CRYGC: variants seen among roughly 807,000 people sequenced by gnomAD.
The protein encoded by CRYGC is gamma-crystallin C.
A neutral mutation model predicts 21.9 loss-of-function variants in CRYGC; 14 were observed. The observed-to-expected ratio is 0.64, with a 90% confidence interval of 0.42 to 1.00. CRYGC has a LOEUF of 1.00. Ranked by LOEUF, CRYGC falls within the 50% of genes least tolerant of loss-of-function variation. The probability of loss-of-function intolerance (pLI) is 0.00; values close to 1 mark genes in which losing one functional copy is unlikely to be tolerated. For missense variants in CRYGC, 235 were observed against 234.2 expected (o/e 1.00, Z -0.02); for synonymous variants, 96 against 89.8 (o/e 1.07, Z -0.39).
In CRYGC at chr2:208,129,550, C is replaced by T. The variant is rs61751949; in HGVS notation, c.143G>A (p.Arg48His). 0.017 allele frequency: 27,332 copies of T among 1,614,176 alleles called. 365 individuals carry two copies. The highest frequency in any genetic ancestry group is 0.051 in the South Asian group (4,639 of 91,080). ...VESGCWMLYERPNYQGQQYLL... is the reference protein window; with the variant it reads ...VESGCWMLYEHPNYQGQQYLL... ...GTATTGTTGACCTTGGTAGTTGGGA[C>T]GCTCATAGAGCATCCAGCAGCCGCT... The change falls in exon 2 of 3, where the codon CGT (arginine) becomes CAT (histidine). Residue 48 changes from arginine to histidine, a missense_variant. Arg to His is a conservative substitution (Grantham distance 29). Transcript: ENST00000282141.
In CRYGC at chr2:208,128,452, C is replaced by T. The variant is rs745627487; in HGVS notation, c.276G>A (p.Leu92=). ...GGCCTTTGTGGTCTTCCCTCTCGTA[C>T]AGCCGCAGCCTGTGGGAGACTGTCT... ...IPQTVSHRLR[L]YEREDHKGLM... The change falls in exon 3 of 3, where the codon CTG becomes CTA. Residue 92 remains leucine, a synonymous_variant. Coordinates refer to ENST00000282141, the MANE Select transcript of CRYGC (RefSeq NM_020989.4). 3 of 1,614,190 alleles carry T rather than the reference C, an allele frequency of 1.9e-6. No individual in the cohort carries two copies. Among genetic ancestry groups the T allele is most frequent in the South Asian group, 1.1e-5 (1 of 91,084 alleles).
rs200505176 is a variant in CRYGC at position 208,128,326 on chromosome 2, G to A, written c.402C>T (p.Tyr134=). Reference sequence around the variant, plus strand: ...GCCGCCCCCGGTAGTTGGGCAGCTCGTAGAGGACCCAGCAGCCCTCCAGCA... The same window carrying A: ...GCCGCCCCCGGTAGTTGGGCAGCTCATAGAGGACCCAGCAGCCCTCCAGCA... ...LHVLEGCWVL[Y]ELPNYRGRQY... Residue 134 remains tyrosine, a synonymous_variant, in exon 3 of 3, where the codon TAC becomes TAT. Transcript: ENST00000282141. 504 of 1,614,166 alleles carry A rather than the reference G, an allele frequency of 3.1e-4. No homozygotes were observed. Among genetic ancestry groups the A allele is most frequent in the Non-Finnish European group, 3.5e-4 (418 of 1,180,026 alleles).
chr2:208,129,300 C>T, intron 2 of CRYGC, 141 bp downstream of exon 2: 1 of 1,226,324 alleles, frequency 8.2e-7, no homozygotes, highest in South Asian at 1.5e-5. Flanking sequence ...TGTTTTTGTG[C>T]ATGTTATCTA....
intron 2 of CRYGC, 149 bp downstream of exon 2, chr2:208,129,292 T>C: frequency 1.7e-6 from 2 of 1,206,854 alleles, no homozygotes; most frequent in South Asian, 1.5e-5. Context: ...TTCTCTGCTG[T>C]TTTTGTGCAT....
rs1695063899 is a variant in CRYGC at position 208,129,595 on chromosome 2, C to T, written c.98G>A (p.Cys33Tyr). ...CPNLQPYFSR[C>Y]NSIRVESGCW... ...GCCGCTCTCCACCCGGATGGAGTTG[C>T]AGCGGCTGAAATACGGCTGCAGGTT... is the stretch of plus-strand genomic sequence containing the variant. The change falls in exon 2 of 3, where the codon TGC becomes TAC. Residue 33 changes from cysteine to tyrosine, a missense_variant. Physicochemically the swap from Cys to Tyr is radical, Grantham distance 194. Coordinates refer to ENST00000282141, the MANE Select transcript of CRYGC (RefSeq NM_020989.4). 5 of 1,614,138 alleles carry T rather than the reference C, an allele frequency of 3.1e-6. No individual in the cohort carries two copies. Among genetic ancestry groups the T allele is most frequent in the Non-Finnish European group, 3.4e-6 (4 of 1,180,054 alleles).
rs140120148 is a variant in CRYGC at position 208,128,457 on chromosome 2, G to A, written c.271C>T (p.Arg91Trp). The A allele has an allele frequency of 1.8e-4, 293 of 1,614,150 alleles. No homozygotes were observed. The African/African-American group carries it at 3.5e-3, about 19-fold the overall frequency. ...LIPQTVSHRL[R>W]LYEREDHKGL... is the part of the protein sequence containing the mutation. ...TTGTGGTCTTCCCTCTCGTACAGCC[G>A]CAGCCTGTGGGAGACTGTCTACTCG... The change falls in exon 3 of 3, where the codon CGG (arginine) becomes TGG (tryptophan). Residue 91 changes from arginine to tryptophan, a missense_variant. Arg to Trp is a moderately radical substitution (Grantham distance 101). Transcript: ENST00000282141.
chr2:208,129,743 G>A lies in CRYGC; in HGVS notation c.9+41C>T, dbSNP rs111957507. ...TGCTCCTAACAGGCATTATATAAAGGCAACTTTTTTTTCATTTTATTTAAT... is the reference window on the plus strand; with the variant it reads ...TGCTCCTAACAGGCATTATATAAAGACAACTTTTTTTTCATTTTATTTAAT... On this transcript the variant is annotated intron_variant, in intron 1 of 2. Transcript: ENST00000282141. The A allele has an allele frequency of 4.8e-5, 78 of 1,614,170 alleles. No individual in the cohort carries two copies. The African/African-American group carries it at 6.9e-4, about 14-fold the overall frequency.
chr2:208,129,650 G>A lies in CRYGC; in HGVS notation c.43C>T (p.Arg15Cys), dbSNP rs1695066267. The change falls in exon 2 of 3, where the codon CGC becomes TGC. Residue 15 changes from arginine to cysteine, a missense_variant. Transcript: ENST00000282141. ...CAGTCAGTGGTGGTTTCGTAGCTGC[G>A]GCCCTGGAAGGCCCTGTCCTCATAG... is the stretch of plus-strand genomic sequence containing the variant. ...TFYEDRAFQG[R>C]SYETTTDCPN... 5 of 1,614,246 alleles carry A rather than the reference G, an allele frequency of 3.1e-6. No homozygotes were observed. Among genetic ancestry groups the A allele is most frequent in the Middle Eastern group, 1.6e-4 (1 of 6,062 alleles).
chr2:208,129,794 G>A lies in CRYGC; in HGVS notation c.-2C>T, dbSNP rs371323586. On this transcript the variant is annotated 5_prime_UTR_variant, in exon 1 of 3. Transcript: ENST00000282141. ...TTGTGTTCTGCTCACCTTCCCCATG[G>A]CTGGTTGACACGGATGATGCGAGTT... is the stretch of plus-strand genomic sequence containing the variant. 2.5e-6 allele frequency: 4 copies of A among 1,614,122 alleles called. No individual in the cohort carries two copies. In the African/African-American group the frequency reaches 5.3e-5, roughly 22 times the overall value.
Position 208,128,139 on chromosome 2 carries a change from G to A in CRYGC, c.*64C>T. 1.3e-6 allele frequency: 2 copies of A among 1,585,766 alleles called. No individual in the cohort carries two copies. Among genetic ancestry groups the A allele is most frequent in the South Asian group, 2.2e-5 (2 of 90,430 alleles). On this transcript the variant is annotated 3_prime_UTR_variant, in exon 3 of 3. Transcript: ENST00000282141. ...GAAAGAATGACAGAAGTCAGCAATT[G>A]CCAGCAATGCAGACTAAATATTTAT...
rs1574551520 is a variant in CRYGC, at chr2:208,129,711, C to T, written c.10-28G>A. 7 of 1,614,224 alleles carry T rather than the reference C, an allele frequency of 4.3e-6. No individual in the cohort carries two copies. In the East Asian group the frequency reaches 1.3e-4, roughly 31 times the overall value. On this transcript the variant is annotated intron_variant, in intron 1 of 2. Coordinates refer to ENST00000282141, the MANE Select transcript of CRYGC (RefSeq NM_020989.4). ...GCAAAGGAAGAATCGTTCCGAATTA[C>T]ATTATTTGCTCCTAACAGGCATTAT...
At chr2:208,129,396 T>C in intron 2 of CRYGC, 45 bp downstream of exon 2, 3 of 1,609,942 alleles carry the variant, frequency 1.9e-6, no homozygotes, top group Non-Finnish European at 1.7e-6. Context: ...ACATTGACAA[T>C]ACAGTGGGGA....
In CRYGC at chr2:208,129,785, T is replaced by C; in HGVS notation, c.8A>G (p.Lys3Arg). The change falls in exon 1 of 3, where the codon AAG (lysine) becomes AGG (arginine). Residue 3 changes from lysine (K) to arginine (R), a missense_variant and splice_region_variant. Lys to Arg is a conservative substitution (Grantham distance 26, BLOSUM62 2). Coordinates refer to ENST00000282141, the MANE Select transcript of CRYGC (RefSeq NM_020989.4). MGKITFYEDRAFQ... is the reference protein window; with the variant it reads MGRITFYEDRAFQ... Reference sequence around the variant, plus strand: ...TTATTTAATTTGTGTTCTGCTCACCTTCCCCATGGCTGGTTGACACGGATG... The same window carrying C: ...TTATTTAATTTGTGTTCTGCTCACCCTCCCCATGGCTGGTTGACACGGATG... The C allele has an allele frequency of 6.2e-7, 1 of 1,614,210 alleles. No homozygotes were observed. The highest frequency in any genetic ancestry group is 8.5e-7 in the Non-Finnish European group (1 of 1,180,018).
rs1490036551 is a variant in CRYGC at position 208,128,438 on chromosome 2, T to G, written c.290A>C (p.Asp97Ala). Residue 97 changes from aspartate to alanine, a missense_variant, in exon 3 of 3, where the codon GAC becomes GCC. Coordinates refer to ENST00000282141, the MANE Select transcript of CRYGC (RefSeq NM_020989.4). ...CAGCTCCATCATGAGGCCTTTGTGG[T>G]CTTCCCTCTCGTACAGCCGCAGCCT... is the stretch of plus-strand genomic sequence containing the variant. ...SHRLRLYERE[D>A]HKGLMMELSE... 6.2e-7 allele frequency: 1 copy of G among 1,614,140 alleles called. No homozygotes were observed. Among genetic ancestry groups the G allele is most frequent in the East Asian group, 2.2e-5 (1 of 44,878 alleles).
chr2:208,128,141 C>T lies in CRYGC; in HGVS notation c.*62G>A. ...AAGAATGACAGAAGTCAGCAATTGC[C>T]AGCAATGCAGACTAAATATTTATTA... On this transcript the variant is annotated 3_prime_UTR_variant, in exon 3 of 3. Coordinates refer to ENST00000282141, the MANE Select transcript of CRYGC (RefSeq NM_020989.4). The T allele has an allele frequency of 6.3e-7, 1 of 1,590,762 alleles. No individual in the cohort carries two copies. Among genetic ancestry groups the T allele is most frequent in the Non-Finnish European group, 8.6e-7 (1 of 1,158,818 alleles).
At chr2:208,129,413 C>T (rs771220059) in intron 2 of CRYGC, 28 bp downstream of exon 2, 59 of 1,611,026 alleles carry the variant, frequency 3.7e-5, no homozygotes, top group Middle Eastern at 2.2e-4. Flanking sequence ...GGGACTCTGG[C>T]GGCATGATGG....
rs765045143 is a variant in CRYGC at position 208,129,793 on chromosome 2, G to A, written c.-1C>T. 4.3e-6 allele frequency: 7 copies of A among 1,614,070 alleles called. No homozygotes were observed. The Middle Eastern group carries it at 4.9e-4, about 114-fold the overall frequency. Reference sequence around the variant, plus strand: ...TTTGTGTTCTGCTCACCTTCCCCATGGCTGGTTGACACGGATGATGCGAGT... The same window carrying A: ...TTTGTGTTCTGCTCACCTTCCCCATAGCTGGTTGACACGGATGATGCGAGT... On this transcript the variant is annotated 5_prime_UTR_variant, in exon 1 of 3. Coordinates refer to ENST00000282141, the MANE Select transcript of CRYGC (RefSeq NM_020989.4).
rs781705769 is a variant in CRYGC at position 208,128,268 on chromosome 2, A to T, written c.460T>A (p.Cys154Ser). The T allele has an allele frequency of 8.1e-6, 13 of 1,614,034 alleles. No individual in the cohort carries two copies. In the African/African-American group the frequency reaches 1.5e-4, roughly 18 times the overall value. The change falls in exon 3 of 3, where the codon TGC becomes AGC. Residue 154 changes from cysteine (C) to serine (S), a missense_variant. Transcript: ENST00000282141. ...YLLRPQEYRR[C>S]QDWGAMDAKA... is the part of the protein sequence containing the mutation. ...GCATCCATGGCCCCCCAGTCCTGGC[A>T]CCGCCTGTACTCTTGGGGCCTCAGC...
chr2:208,128,599 G>A, intron 2 of CRYGC, 124 bp from the exon 3 acceptor site: 1 of 1,170,952 alleles, frequency 8.5e-7, no homozygotes, highest in Non-Finnish European at 1.2e-6. Flanking sequence ...AATTTAGACA[G>A]TGTAAAATGT....
Sources: gnomAD v4.1 joint callset for allele counts on GRCh38, gnomAD v4.1.1 for gene constraint, MANE v1.5 for transcripts, NCBI Gene and HGNC (gene_info 2026-07-23, HGNC 2026-07-21) for gene names.